The following TUSC3 variants were observed in gnomAD, a reference collection of about 807,000 sequenced individuals.
The protein encoded by TUSC3 is tumor suppressor candidate 3.
TUSC3 carries 45 observed loss-of-function variants against 44.8 expected under a neutral mutation model. The ratio of observed to expected loss-of-function variants is 1.00; its 90% CI spans 0.79 to 1.29. TUSC3 has a LOEUF of 1.29. Ranked by LOEUF, TUSC3 falls within the 50% of genes most tolerant of loss-of-function variation. The pLI, the probability that TUSC3 is intolerant of heterozygous loss-of-function variation, is 0.00. For missense variants in TUSC3, 519 were observed against 437.9 expected, an observed-to-expected ratio of 1.19 and a Z score of -1.65; for synonymous variants, 212 against 152.9, an observed-to-expected ratio of 1.39 and a Z score of -2.85.
intron 1 of TUSC3, chr8:15,417,411 C>G (rs1799673829): frequency 6.6e-6 from 1 of 152,222 alleles, no homozygotes; most frequent in Non-Finnish European, 1.5e-5. Context: ...CAAAGATAAA[C>G]TCTGCAAAGT....
At chr8:15,606,373 C>G (rs1804527439) in intron 1 of TUSC3, among the ~76,000 whole-genome samples, 1 of 151,896 alleles carries the variant, frequency 6.6e-6, no homozygotes, top group African/African-American at 2.4e-5. Flanking sequence ...TGTTAATTGA[C>G]TATGTTATTG....
chr8:15,828,595 C>G, the TUSC3 span, among the ~76,000 whole-genome samples: 5 of 152,294 alleles, frequency 3.3e-5, no homozygotes, highest in South Asian at 1.0e-3. Flanking sequence ...ATTACAAAGG[C>G]ATGCATCTAT....
chr8:15,665,032 A>T (rs994434251), intron 5 of TUSC3, among the ~76,000 whole-genome samples: 3 of 151,508 alleles, frequency 2.0e-5, no homozygotes, highest in Non-Finnish European at 4.4e-5. Flanking sequence ...ACTGTCCAAA[A>T]TGCTGACCTA....
rs577146385 is a variant in TUSC3 at position 15,623,628 on chromosome 8, TTGATACCGCCAA to T, written c.308+384_308+395del. Among the ~76,000 whole-genome samples, 8 of 152,158 alleles carry T rather than the reference TTGATACCGCCAA, an allele frequency of 5.3e-5. No individual in the cohort carries two copies. The South Asian group carries it at 1.7e-3, about 32-fold the overall frequency. On this transcript the variant is annotated intron_variant, in intron 2 of 10. Coordinates refer to ENST00000503731, the MANE Select transcript of TUSC3 (RefSeq NM_006765.4). ...TTATCTAGTGTAGCCCATTTAATTTTTGATACCGCCAATGATTAGAAATTTCTGTGCTGTAGA... is the reference window on the plus strand; with the variant it reads ...TTATCTAGTGTAGCCCATTTAATTTTTGATTAGAAATTTCTGTGCTGTAGA...
intron 5 of TUSC3, among the ~76,000 whole-genome samples, chr8:15,663,560 A>G (rs1807521476): frequency 6.6e-6 from 1 of 151,954 alleles, no homozygotes; most frequent in African/African-American, 2.4e-5. Context: ...CCTAGAGCTT[A>G]GAAATTCAGA....
chr8:15,793,128 C>G, the TUSC3 span, among the ~76,000 whole-genome samples: 2 of 152,112 alleles, frequency 1.3e-5, no homozygotes, highest in Non-Finnish European at 2.9e-5. Flanking sequence ...CCTCTTTCCA[C>G]TTTTGCACTA....
At chr8:15,527,712 C>T (rs1017017280) in intron 2 of TUSC3, among the ~76,000 whole-genome samples, 11 of 152,160 alleles carry the variant, frequency 7.2e-5, no homozygotes, top group African/African-American at 1.9e-4. Flanking sequence ...GCCTACAGCT[C>T]GAATACTTCT....
chr8:15,816,943 C>A, the TUSC3 span, among the ~76,000 whole-genome samples: 2 of 152,206 alleles, frequency 1.3e-5, no homozygotes, highest in African/African-American at 4.8e-5. Context: ...ATTTTTGCCA[C>A]TCCAAAATGT....
At chr8:15,457,819 A>AATT (rs1554503394) in intron 1 of TUSC3, among the ~76,000 whole-genome samples, 10 of 56,806 alleles carry the variant, frequency 1.8e-4, no homozygotes, top group South Asian at 7.9e-4. Flanking sequence ...TTTATTAGAT[A>AATT]ATTAATTATT....
At chr8:15,590,160 A>G (rs1803765675) in intron 1 of TUSC3, among the ~76,000 whole-genome samples, 1 of 152,190 alleles carries the variant, frequency 6.6e-6, no homozygotes, top group South Asian at 2.1e-4. Context: ...ATTATCTTAG[A>G]TAATTCCAAT....
chr8:15,775,107 C>T, the TUSC3 span, among the ~76,000 whole-genome samples: 1 of 152,076 alleles, frequency 6.6e-6, no homozygotes, highest in Non-Finnish European at 1.5e-5. Context: ...TTGATATATC[C>T]ATGCATTAGA....
intron 8 of TUSC3, among the ~76,000 whole-genome samples, chr8:15,745,413 ACATTCCCGACAACAGTGCATAAG>A (rs1811370739): frequency 6.6e-6 from 1 of 152,042 alleles, no homozygotes; most frequent in Admixed American, 6.6e-5. Flanking sequence ...GCTCTAATTT[ACATTCCCGACAACAGTGCATAAG>A]CATTCCCTTT....
chr8:15,594,759 G>C (rs1318808750), intron 1 of TUSC3, among the ~76,000 whole-genome samples: 2 of 152,132 alleles, frequency 1.3e-5, no homozygotes, highest in Admixed American at 6.5e-5. Context: ...CTGCACACTA[G>C]TTATCAACTT....
rs936504329 is a variant in TUSC3, at chr8:15,497,818, C to A, written n.189+14335C>A. ...GGAGTGCAATGGTGTGATCTCAGCT[C>A]ACTGCAACCTCCGCCTCCCGGGTTC... On this transcript the variant is annotated intron_variant and non_coding_transcript_variant, in intron 2 of 5. Coordinates refer to the TUSC3 transcript ENST00000503191. 4.6e-5 allele frequency among the ~76,000 whole-genome samples: 7 copies of A among 151,596 alleles called. No individual in the cohort carries two copies. The East Asian group carries it at 1.2e-3, about 25-fold the overall frequency.
chr8:15,729,019 T>G (rs1045946148), intron 6 of TUSC3, among the ~76,000 whole-genome samples: 3 of 152,144 alleles, frequency 2.0e-5, no homozygotes, highest in African/African-American at 7.2e-5. Flanking sequence ...ATTGATGACC[T>G]TGACAAAAGA....
chr8:15,565,573 A>C (rs1287905632), intron 1 of TUSC3, among the ~76,000 whole-genome samples: 1 of 152,134 alleles, frequency 6.6e-6, no homozygotes, highest in African/African-American at 2.4e-5. Context: ...GCTCTTGAGA[A>C]TCTTCTGCTT....
At chr8:15,537,969 C>T (rs995383048), upstream of TUSC3, among the ~76,000 whole-genome samples, 2 of 152,096 alleles carry the variant, frequency 1.3e-5, no homozygotes, top group African/African-American at 2.4e-5. Context: ...AGCAAAAATA[C>T]GCAAGAGGCA....
At chr8:15,597,437 G>C (rs1804118583) in intron 1 of TUSC3, among the ~76,000 whole-genome samples, 1 of 152,012 alleles carries the variant, frequency 6.6e-6, no homozygotes, top group Admixed American at 6.6e-5. Flanking sequence ...GTTATGCTTT[G>C]CTAATTTATT....
intron 6 of TUSC3, among the ~76,000 whole-genome samples, chr8:15,694,318 G>A (rs892178428): frequency 9.9e-5 from 15 of 150,804 alleles, no homozygotes; most frequent in Non-Finnish European, 2.1e-4. Context: ...GGCGTGCGCC[G>A]TTAATCCCAG....
Sources: gnomAD v4.1 joint callset for allele counts (sites outside exome capture counted in the v4.1 genomes callset) on GRCh38, gnomAD v4.1.1 for gene constraint, MANE v1.5 for transcripts, NCBI Gene and HGNC (gene_info 2026-07-23, HGNC 2026-07-21) for gene names.